IQGAP2: variants seen among roughly 807,000 people sequenced by gnomAD.
IQGAP2 encodes the protein IQ motif containing GTPase activating protein 2.
IQGAP2 carries 173 observed loss-of-function variants against 201.3 expected under a neutral mutation model. That is an observed-to-expected ratio of 0.86 (90% CI 0.76 to 0.98). IQGAP2 has a LOEUF of 0.98. Among genes scored for constraint, IQGAP2 ranks in the 50% least tolerant of loss-of-function variants. IQGAP2 has a pLI of 0.00. For missense variants in IQGAP2, 1,687 were observed against 1,864.8 expected, an observed-to-expected ratio of 0.90 and a Z score of 1.76; for synonymous variants, 675 against 673.9, an observed-to-expected ratio of 1.00 and a Z score of -0.03.
At chr5:76,626,270 C>CTTTTTTTTTTTTTT (rs34251090) in intron 13 of IQGAP2, among the ~76,000 whole-genome samples, 11 of 83,654 alleles carry the variant, frequency 1.3e-4, no homozygotes, top group Admixed American at 1.8e-4. Flanking sequence ...TTCTTCTTTT[C>CTTTTTTTTTTTTTT]TTTTTTTTTT....
chr5:76,684,150 A>T (rs1745541539), intron 30 of IQGAP2, among the ~76,000 whole-genome samples: 1 of 152,228 alleles, frequency 6.6e-6, no homozygotes, highest in African/African-American at 2.4e-5. Flanking sequence ...TCCATGTAGT[A>T]ATTTGATTTT....
Position 76,683,097 on chromosome 5 carries a change from G to A in IQGAP2, c.3661-18G>A. On this transcript the variant is annotated intron_variant, in intron 28 of 35. Transcript: ENST00000274364. Reference sequence around the variant, plus strand: ...AATTTACTTTTTTCTTTGTGTGTGTGTTGCTTTCTACATAAAGCTCCTGTT... The same window carrying A: ...AATTTACTTTTTTCTTTGTGTGTGTATTGCTTTCTACATAAAGCTCCTGTT... 2.6e-6 allele frequency: 4 copies of A among 1,515,174 alleles called. No individual in the cohort carries two copies. In the South Asian group the frequency reaches 4.6e-5, roughly 18 times the overall value. 93.9% of individuals were successfully genotyped at this position (1,515,174 alleles called of 1,614,324 possible).
chr5:76,656,521 T>C (rs1333868916), intron 20 of IQGAP2, among the ~76,000 whole-genome samples: 1 of 152,174 alleles, frequency 6.6e-6, no homozygotes, highest in Non-Finnish European at 1.5e-5. Context: ...AGAGGATTTT[T>C]TTTTCTGAGC....
chr5:76,431,227 A>G (rs1752351841), intron 1 of IQGAP2, among the ~76,000 whole-genome samples: 1 of 151,922 alleles, frequency 6.6e-6, no homozygotes, highest in Non-Finnish European at 1.5e-5. Flanking sequence ...AAATTTTTAG[A>G]TGTATTACGT....
intron 14 of IQGAP2, among the ~76,000 whole-genome samples, chr5:76,629,819 TAGG>T (rs1750551574): frequency 6.6e-6 from 1 of 152,172 alleles, no homozygotes; most frequent in Non-Finnish European, 1.5e-5. Context: ...TTGGATCTCT[TAGG>T]AGATTTATGG....
intron 11 of IQGAP2, among the ~76,000 whole-genome samples, chr5:76,605,909 G>T (rs1747767743): frequency 1.3e-5 from 2 of 152,176 alleles, no homozygotes; most frequent in African/African-American, 4.8e-5. Context: ...AGACTTGAAA[G>T]TTTCCAGTTT....
rs12513678 is a variant in IQGAP2 at position 76,551,046 on chromosome 5, G to A, written c.147-11350G>A. On this transcript the variant is annotated intron_variant, in intron 2 of 35. Transcript: ENST00000274364. ...CGGGCAGAGAGGCTCCTCACTTCCC[G>A]GACGGGGTGGCTGCCGGGCGGAGGG... Among the ~76,000 whole-genome samples the A allele has an allele frequency of 9.6e-4, 136 of 141,612 alleles. 2 individuals carry two copies. The highest frequency in any genetic ancestry group is 3.4e-3 in the African/African-American group (130 of 37,812). 92.9% of individuals were successfully genotyped at this position (141,612 alleles called of 152,430 possible).
intron 27 of IQGAP2, among the ~76,000 whole-genome samples, chr5:76,676,689 A>G (rs2150498641): frequency 6.6e-6 from 1 of 152,274 alleles, no homozygotes; most frequent in Non-Finnish European, 1.5e-5. Flanking sequence ...CAATCTTTCC[A>G]TCGGCCAGCA....
intron 2 of IQGAP2, among the ~76,000 whole-genome samples, chr5:76,515,280 A>T (rs1354429180): frequency 1.3e-5 from 2 of 152,230 alleles, no homozygotes; most frequent in African/African-American, 4.8e-5. Flanking sequence ...TATTTAAATG[A>T]TGCTGTTGTT....
chr5:76,446,615 C>A (rs1226038807), intron 1 of IQGAP2, among the ~76,000 whole-genome samples: 1 of 152,158 alleles, frequency 6.6e-6, no homozygotes, highest in Non-Finnish European at 1.5e-5. Context: ...ACTCCCACCC[C>A]CATCCTTTGC....
chr5:76,554,081 A>G (rs527349301), intron 2 of IQGAP2, among the ~76,000 whole-genome samples: 1 of 152,296 alleles, frequency 6.6e-6, no homozygotes, highest in African/African-American at 2.4e-5. Flanking sequence ...TTAATTTTCA[A>G]TAAAGGTGCC....
chr5:76,521,540 G>T, intron 2 of IQGAP2, among the ~76,000 whole-genome samples: 1 of 152,270 alleles, frequency 6.6e-6, no homozygotes, highest in Admixed American at 6.5e-5. Context: ...TCACTTTTAG[G>T]CAGCGTCTGC....
rs186374510 is a variant in IQGAP2 at position 76,495,062 on chromosome 5, A to G, written c.146+33393A>G. Among the ~76,000 whole-genome samples the G allele has an allele frequency of 2.0e-5, 3 of 152,340 alleles. No homozygotes were observed. In the East Asian group the frequency reaches 5.8e-4, roughly 29 times the overall value. On this transcript the variant is annotated intron_variant, in intron 2 of 35. Transcript: ENST00000274364. ...TTAGAAGGCAAAAATAAATAAATAAATACATAAATACATAAATTTTAAAAA... is the reference window on the plus strand; with the variant it reads ...TTAGAAGGCAAAAATAAATAAATAAGTACATAAATACATAAATTTTAAAAA...
intron 1 of IQGAP2, among the ~76,000 whole-genome samples, chr5:76,447,866 GA>G (rs1246397260): frequency 6.6e-6 from 1 of 152,216 alleles, no homozygotes; most frequent in African/African-American, 2.4e-5. Context: ...AAAAATGGAT[GA>G]TTTTTTTAAA....
intron 5 of IQGAP2, among the ~76,000 whole-genome samples, chr5:76,587,453 G>A (rs550314764): frequency 3.0e-4 from 45 of 152,280 alleles, no homozygotes; most frequent in African/African-American, 1.0e-3. Context: ...ACTTGCTTAA[G>A]AAAATTATAG....
intron 1 of IQGAP2, among the ~76,000 whole-genome samples, chr5:76,442,031 C>G (rs966153434): frequency 5.9e-5 from 9 of 152,114 alleles, no homozygotes; most frequent in Admixed American, 6.6e-5. Flanking sequence ...AAGGAACTGG[C>G]AAGAAAACAG....
intron 2 of IQGAP2, among the ~76,000 whole-genome samples, chr5:76,512,127 G>A (rs1016358063): frequency 2.6e-5 from 4 of 152,200 alleles, no homozygotes; most frequent in Admixed American, 6.5e-5. Flanking sequence ...GGGAAACTGA[G>A]AGATAGGGGT....
chr5:76,639,330 G>A (rs1438754575), intron 16 of IQGAP2, among the ~76,000 whole-genome samples: 1 of 152,136 alleles, frequency 6.6e-6, no homozygotes, highest in Non-Finnish European at 1.5e-5. Context: ...TTTTTGCATT[G>A]TTTTTGACAC....
intron 1 of IQGAP2, among the ~76,000 whole-genome samples, chr5:76,432,235 G>A (rs1421530510): frequency 1.5e-5 from 2 of 137,576 alleles, no homozygotes; most frequent in African/African-American, 5.4e-5. Flanking sequence ...AAAAATTTTT[G>A]TGCCTCAGCC....
Sources: gnomAD v4.1 joint callset for allele counts (sites outside exome capture counted in the v4.1 genomes callset) on GRCh38, gnomAD v4.1.1 for gene constraint, MANE v1.5 for transcripts, NCBI Gene and HGNC (gene_info 2026-07-23, HGNC 2026-07-21) for gene names.